MAGI2: variants seen among roughly 807,000 people sequenced by gnomAD.
MAGI2 encodes the protein membrane associated guanylate kinase, WW and PDZ domain containing 2, also known as membrane-associated guanylate kinase, WW and PDZ domain-containing protein 2.
A neutral mutation model predicts 133.3 loss-of-function variants in MAGI2; 35 were observed. That is an observed-to-expected ratio of 0.26 (90% CI 0.20 to 0.35). MAGI2 has a LOEUF of 0.35. Ranked by LOEUF, MAGI2 falls within the 10% of genes least tolerant of loss-of-function variation. The probability of loss-of-function intolerance (pLI) is 1.00; values close to 1 mark genes in which losing one functional copy is unlikely to be tolerated. For missense variants in MAGI2, 1,636 were observed against 1,863.4 expected (o/e 0.88, Z 2.25); for synonymous variants, 729 against 710.6 (o/e 1.03, Z -0.41).
At chr7:79,207,937 A>G (rs1487811867) in intron 1 of MAGI2, among the ~76,000 whole-genome samples, 1 of 152,042 alleles carries the variant, frequency 6.6e-6, no homozygotes, top group African/African-American at 2.4e-5. Flanking sequence ...ACAAATGAGA[A>G]ATGCCAGTCT....
intron 6 of MAGI2, among the ~76,000 whole-genome samples, chr7:78,474,969 G>C (rs1791596874): frequency 6.6e-6 from 1 of 151,794 alleles, no homozygotes; most frequent in African/African-American, 2.4e-5. Context: ...AACCCTGGAA[G>C]TCCACATCAT....
At chr7:79,368,044 T>C (rs1842834448) in intron 1 of MAGI2, among the ~76,000 whole-genome samples, 2 of 151,684 alleles carry the variant, frequency 1.3e-5, no homozygotes, top group Non-Finnish European at 1.5e-5. Context: ...AGAGTACTCC[T>C]GAAACTTTGC....
At chr7:79,160,525 C>T (rs1165718762) in intron 1 of MAGI2, among the ~76,000 whole-genome samples, 2 of 151,948 alleles carry the variant, frequency 1.3e-5, no homozygotes, top group Non-Finnish European at 2.9e-5. Flanking sequence ...GTAAAAATAA[C>T]CCCTTTAAGA....
At chr7:78,187,698 G>A (rs140636648) in intron 12 of MAGI2, among the ~76,000 whole-genome samples, 116 of 152,236 alleles carry the variant, frequency 7.6e-4, no homozygotes, top group African/African-American at 2.8e-3. Context: ...GAACTTTCAT[G>A]TTTGGTGTGG....
At chr7:78,426,464 G>A (rs1443090988) in intron 6 of MAGI2, among the ~76,000 whole-genome samples, 2 of 152,050 alleles carry the variant, frequency 1.3e-5, no homozygotes, top group African/African-American at 4.8e-5. Context: ...TGTGGGGTGG[G>A]GGGAGCGCGG....
intron 9 of MAGI2, among the ~76,000 whole-genome samples, chr7:78,286,172 G>T (rs1203458207): frequency 6.6e-6 from 1 of 151,954 alleles, no homozygotes; most frequent in Non-Finnish European, 1.5e-5. Flanking sequence ...AAATTTGAAA[G>T]CTCCTTTCAA....
intron 2 of MAGI2, among the ~76,000 whole-genome samples, chr7:78,785,532 T>C (rs1185231098): frequency 6.6e-6 from 1 of 152,232 alleles, no homozygotes; most frequent in African/African-American, 2.4e-5. Context: ...TCTGGGGATA[T>C]GTGTAACATT....
chr7:79,363,312 C>G (rs1299836865), intron 1 of MAGI2, among the ~76,000 whole-genome samples: 1 of 147,582 alleles, frequency 6.8e-6, no homozygotes, highest in Non-Finnish European at 1.5e-5. Flanking sequence ...AATACACGAA[C>G]AGAGTATGTC....
chr7:78,232,762 A>T (rs1382243911), intron 10 of MAGI2, among the ~76,000 whole-genome samples: 1 of 152,234 alleles, frequency 6.6e-6, no homozygotes, highest in Admixed American at 6.5e-5. Context: ...TGGAAGAAGT[A>T]ATGTCTGACC....
intron 2 of MAGI2, among the ~76,000 whole-genome samples, chr7:78,781,398 A>AC (rs1450627194): frequency 6.6e-6 from 1 of 151,494 alleles, no homozygotes; most frequent in Non-Finnish European, 1.5e-5. Context: ...AAAAAAAAAA[A>AC]AGAATATAGC....
chr7:78,165,781 C>T lies in MAGI2; in HGVS notation c.2596+2135G>A, dbSNP rs574782130. 3.2e-4 allele frequency among the ~76,000 whole-genome samples: 49 copies of T among 152,328 alleles called. 1 individual carries two copies. Among genetic ancestry groups the T allele is most frequent in the Non-Finnish European group, 5.9e-4 (40 of 68,036 alleles). ...ACAAAACGACAATGACAGCAACAGT[C>T]CTTGAAAAGGCATCTCCATTGTCAT... On this transcript the variant is annotated intron_variant, in intron 15 of 21. Transcript: ENST00000354212.
At chr7:78,963,216 G>T (rs562581060) in intron 2 of MAGI2, among the ~76,000 whole-genome samples, 1 of 152,116 alleles carries the variant, frequency 6.6e-6, no homozygotes, top group African/African-American at 2.4e-5. Flanking sequence ...TTGTGACAGA[G>T]AATGTCTGGC....
intron 1 of MAGI2, among the ~76,000 whole-genome samples, chr7:79,099,792 C>T (rs1817816633): frequency 6.6e-6 from 1 of 152,170 alleles, no homozygotes. Flanking sequence ...CATGTTGATG[C>T]AAAGGATGTG....
Position 79,100,589 on chromosome 7 carries a change from T to C in MAGI2, c.302-93383A>G, listed in dbSNP as rs1304441541. The stretch of plus-strand genomic sequence containing the variant: ...CCTTAAAATTGATTCATAACAGTGA[T>C]TTATGTATCAATAATATGCTAGAAT... On this transcript the variant is annotated intron_variant, in intron 1 of 21. Transcript: ENST00000354212. Among the ~76,000 whole-genome samples the C allele has an allele frequency of 4.0e-5, 6 of 151,770 alleles. No individual in the cohort carries two copies. The East Asian group carries it at 1.2e-3, about 29-fold the overall frequency.
At chr7:78,578,369 T>C (rs1413206385) in intron 3 of MAGI2, among the ~76,000 whole-genome samples, 1 of 151,844 alleles carries the variant, frequency 6.6e-6, no homozygotes, top group Non-Finnish European at 1.5e-5. Context: ...ATAGAGCAAA[T>C]GGAAACCAAT....
At position 79,130,058 on chromosome 7, in the gene MAGI2, C is replaced by A. The variant is rs992737670; in HGVS notation, c.302-122852G>T. On this transcript the variant is annotated intron_variant, in intron 1 of 21. Transcript: ENST00000354212. ...GCTCACACTTGTAATCTCAGCACTT[C>A]GGGAGGCCAAGATGCGAGGATCAGT... Among the ~76,000 whole-genome samples, 6 of 150,986 alleles carry A rather than the reference C, an allele frequency of 4.0e-5. No homozygotes were observed. The Admixed American group carries it at 4.0e-4, about 10-fold the overall frequency.
At chr7:79,139,515 G>T (rs533903612) in intron 1 of MAGI2, among the ~76,000 whole-genome samples, 8 of 152,204 alleles carry the variant, frequency 5.3e-5, no homozygotes, top group African/African-American at 1.7e-4. Flanking sequence ...TCTGATACAC[G>T]GCTTCCCTCA....
rs1554448976 is a variant in MAGI2 at position 78,511,548 on chromosome 7, T to TATATAA, written c.755-9762_755-9761insTTATAT. Among the ~76,000 whole-genome samples, 82 of 114,948 alleles carry TATATAA rather than the reference T, an allele frequency of 7.1e-4. 1 individual carries two copies. Among genetic ancestry groups the TATATAA allele is most frequent in the African/African-American group, 2.9e-3 (78 of 27,346 alleles). The allele number at this position is 114,948 out of a possible 152,430, so 75.4% of individuals were successfully genotyped here. A position where few individuals can be genotyped will look rare whatever the true frequency, so the allele number is the denominator to read the frequency against. ...TCACCATCTTTTATATATATATATA[T>TATATAA]AAATTTTTTTTTTTTTTTTTTTGAC... is the stretch of plus-strand genomic sequence containing the variant. On this transcript the variant is annotated intron_variant, in intron 4 of 21. Coordinates refer to ENST00000354212, the MANE Select transcript of MAGI2 (RefSeq NM_012301.4).
intron 2 of MAGI2, among the ~76,000 whole-genome samples, chr7:78,976,404 C>T (rs1804253378): frequency 6.6e-6 from 1 of 151,174 alleles, no homozygotes. Context: ...TCTCACCAAA[C>T]CAGGAATGGA....
Sources: allele counts gnomAD v4.1 joint callset (sites outside exome capture counted in the v4.1 genomes callset), GRCh38; gene constraint gnomAD v4.1.1; transcripts MANE v1.5; gene names NCBI Gene and HGNC (gene_info 2026-07-23, HGNC 2026-07-21).